MYO3A: variants seen among roughly 807,000 people sequenced by gnomAD.
The protein encoded by MYO3A is myosin-IIIa.
Under a neutral mutation model 192.7 loss-of-function variants are expected in MYO3A, and 180 were observed. The ratio of observed to expected loss-of-function variants is 0.93; its 90% CI spans 0.83 to 1.06. The LOEUF (loss-of-function observed/expected upper bound fraction) is 1.06, where lower values mean the gene tolerates loss of function less well. MYO3A is among the 50% of genes least tolerant of loss of function. The pLI is 0.00. For synonymous variants in MYO3A, 628 were observed against 645.3 expected, an observed-to-expected ratio of 0.97 and a Z score of 0.41; for missense variants, 1,896 against 1,905.0, an observed-to-expected ratio of 1.00 and a Z score of 0.09.
At chr10:26,092,639 C>A (rs1032344889) in intron 15 of MYO3A, among the ~76,000 whole-genome samples, 1 of 152,176 alleles carries the variant, frequency 6.6e-6, no homozygotes, top group Non-Finnish European at 1.5e-5. Flanking sequence ...GGGTGCAAAG[C>A]AGGTGAACAC....
intron 10 of MYO3A, among the ~76,000 whole-genome samples, chr10:26,037,219 T>C (rs1479753074): frequency 6.6e-6 from 1 of 152,236 alleles, no homozygotes; most frequent in East Asian, 1.9e-4. Flanking sequence ...TACATGCATC[T>C]GTATTTTACA....
intron 17 of MYO3A, among the ~76,000 whole-genome samples, chr10:26,119,522 A>G (rs895632671): frequency 2.0e-5 from 3 of 152,142 alleles, no homozygotes; most frequent in Non-Finnish European, 4.4e-5. Context: ...GTATGAGTAA[A>G]TGCATGCCTT....
rs144804930 is a variant in MYO3A at position 25,982,694 on chromosome 10, C to T, written c.304-13796C>T. Among the ~76,000 whole-genome samples, 224 of 152,180 alleles carry T rather than the reference C, an allele frequency of 1.5e-3. 1 individual carries two copies. The highest frequency in any genetic ancestry group is 4.3e-3 in the African/African-American group (178 of 41,532). On this transcript the variant is annotated intron_variant, in intron 4 of 34. Transcript: ENST00000642920. ...GGTGGCTGGAAACAGAAGAGCAAAA[C>T]CAATAACTACAATTTGGGTATTAAA...
chr10:26,026,051 A>G (rs569821578), intron 9 of MYO3A, among the ~76,000 whole-genome samples: 3 of 152,228 alleles, frequency 2.0e-5, no homozygotes, highest in Non-Finnish European at 4.4e-5. Context: ...ACTGACTTGT[A>G]AAGGAGACTT....
chr10:26,176,765 A>G lies in MYO3A; in HGVS notation c.4358A>G (p.Gln1453Arg), dbSNP rs1164727921. Reference protein sequence around the residue: ...QKKLNEMILSQQLKSLYLGVS... With the variant: ...QKKLNEMILSRQLKSLYLGVS... ...AAATTGAATGAAATGATTTTGTCACAGCAACTGAAGTCACTTTATCTGGGT... is the reference window on the plus strand; with the variant it reads ...AAATTGAATGAAATGATTTTGTCACGGCAACTGAAGTCACTTTATCTGGGT... The change falls in exon 31 of 35, where the codon CAG becomes CGG. Residue 1453 changes from glutamine (Q) to arginine (R), a missense_variant. Physicochemically the swap from Gln to Arg is conservative, Grantham distance 43. Transcript: ENST00000642920. 4 of 1,613,136 alleles carry G rather than the reference A, an allele frequency of 2.5e-6. No individual in the cohort carries two copies. The South Asian group carries it at 3.3e-5, about 13-fold the overall frequency.
chr10:26,101,488 G>A (rs1051384489), intron 17 of MYO3A, among the ~76,000 whole-genome samples: 6 of 152,142 alleles, frequency 3.9e-5, no homozygotes, highest in Admixed American at 3.9e-4. Context: ...TTTCTTCCTA[G>A]CGTCGATGGT....
intron 7 of MYO3A, among the ~76,000 whole-genome samples, chr10:26,017,345 A>T (rs1394560484): frequency 1.3e-5 from 2 of 152,180 alleles, no homozygotes; most frequent in Non-Finnish European, 2.9e-5. Flanking sequence ...GCTTTAATAA[A>T]TTCTTTACAT....
intron 6 of MYO3A, among the ~76,000 whole-genome samples, chr10:26,007,008 C>G (rs905105849): frequency 6.8e-6 from 1 of 146,408 alleles, no homozygotes; most frequent in African/African-American, 2.7e-5. Context: ...CCGAATCCAG[C>G]AGCACATCAA....
At chr10:26,105,234 A>T in intron 17 of MYO3A, among the ~76,000 whole-genome samples, 1 of 152,034 alleles carries the variant, frequency 6.6e-6, no homozygotes, top group East Asian at 1.9e-4. Context: ...CTAGTAGTGG[A>T]ATTTCTGGGT....
chr10:26,037,813 TGA>T (rs140608889), intron 10 of MYO3A, among the ~76,000 whole-genome samples: 25,259 of 151,534 alleles, frequency 0.17, 2,360 homozygotes, highest in Non-Finnish European at 0.21. Context: ...GCGTCAGGAG[TGA>T]GAGAGTCAAG....
At chr10:26,149,182 A>C (rs1226563523) in intron 23 of MYO3A, among the ~76,000 whole-genome samples, 1 of 150,878 alleles carries the variant, frequency 6.6e-6, no homozygotes, top group East Asian at 1.9e-4. Context: ...TTTAATTCCT[A>C]ATTTCCTGAA....
chr10:25,974,940 G>T (rs982801961), intron 4 of MYO3A, among the ~76,000 whole-genome samples: 1 of 152,152 alleles, frequency 6.6e-6, no homozygotes, highest in Admixed American at 6.5e-5. Context: ...ATTTGGAAAA[G>T]AAAGCTTTAT....
chr10:26,053,751 G>A (rs182314044), intron 10 of MYO3A, among the ~76,000 whole-genome samples: 1 of 152,180 alleles, frequency 6.6e-6, no homozygotes, highest in African/African-American at 2.4e-5. Flanking sequence ...CGTGAACCTG[G>A]GAGGTGACGT....
intron 6 of MYO3A, among the ~76,000 whole-genome samples, chr10:26,012,000 A>G (rs1398868376): frequency 6.6e-6 from 1 of 152,220 alleles, no homozygotes; most frequent in Non-Finnish European, 1.5e-5. Flanking sequence ...ACCCAAAACC[A>G]TATGATCATC....
intron 10 of MYO3A, among the ~76,000 whole-genome samples, chr10:26,050,893 T>G (rs1479093438): frequency 6.6e-6 from 1 of 152,246 alleles, no homozygotes; most frequent in African/African-American, 2.4e-5. Context: ...GTTACTCCTC[T>G]TAACAGGTAG....
At chr10:26,203,149 A>ACGG (rs747987696) in intron 34 of MYO3A, 42 bp downstream of exon 34, 1 of 1,589,606 alleles carries the variant, frequency 6.3e-7, no homozygotes, top group Non-Finnish European at 8.6e-7. Context: ...GCAGTTTTAT[A>ACGG]CTCACAATTT....
At chr10:26,105,953 T>C (rs1292609632) in intron 17 of MYO3A, among the ~76,000 whole-genome samples, 1 of 152,120 alleles carries the variant, frequency 6.6e-6, no homozygotes, top group Non-Finnish European at 1.5e-5. Context: ...ATATAATCTA[T>C]TTTTGATGCC....
At chr10:26,034,893 G>C (rs1588830153) in intron 10 of MYO3A, among the ~76,000 whole-genome samples, 1 of 149,026 alleles carries the variant, frequency 6.7e-6, no homozygotes, top group East Asian at 1.9e-4. Context: ...ACATTTATTT[G>C]TTTCTATGTT....
intron 25 of MYO3A, among the ~76,000 whole-genome samples, chr10:26,155,288 A>G (rs1159757648): frequency 6.6e-6 from 1 of 152,176 alleles, no homozygotes; most frequent in African/African-American, 2.4e-5. Context: ...CGAGGAGAAG[A>G]GTCATCAGGA....
Sources: allele counts gnomAD v4.1 joint callset (sites outside exome capture counted in the v4.1 genomes callset), GRCh38; gene constraint gnomAD v4.1.1; transcripts MANE v1.5; gene names NCBI Gene and HGNC (gene_info 2026-07-23, HGNC 2026-07-21).